Variants in GRIK4 observed in about 807,000 individuals in gnomAD.
The protein encoded by GRIK4 is glutamate ionotropic receptor kainate type subunit 4, also known as glutamate receptor ionotropic, kainate 4.
A neutral mutation model predicts 104.9 loss-of-function variants in GRIK4; 40 were observed. The ratio of observed to expected loss-of-function variants is 0.38; its 90% CI spans 0.30 to 0.50. The LOEUF (loss-of-function observed/expected upper bound fraction) is 0.50. Ranked by LOEUF, GRIK4 falls within the 20% of genes least tolerant of loss-of-function variation. The probability of loss-of-function intolerance (pLI) is 0.93; values close to 1 mark genes in which losing one functional copy is unlikely to be tolerated. For missense variants in GRIK4, 1,047 were observed against 1,308.1 expected, an observed-to-expected ratio of 0.80 and a Z score of 3.08; for synonymous variants, 485 against 524.9, an observed-to-expected ratio of 0.92 and a Z score of 1.04.
chr11:120,864,046 A>C (rs1029748312), intron 9 of GRIK4, among the ~76,000 whole-genome samples: 5 of 152,128 alleles, frequency 3.3e-5, no homozygotes, highest in African/African-American at 1.2e-4. Flanking sequence ...GGGCAGCTGA[A>C]GGAAGGAGTC....
intron 20 of GRIK4, 22 bp from the exon 21 acceptor site, chr11:120,985,882 C>T: frequency 6.5e-7 from 1 of 1,550,246 alleles, no homozygotes; most frequent in Non-Finnish European, 8.7e-7. Context: ...AGGCTGGGCC[C>T]TGACCTCGCT....
At chr11:120,777,103 G>A (rs1478493504) in intron 3 of GRIK4, among the ~76,000 whole-genome samples, 2 of 152,164 alleles carry the variant, frequency 1.3e-5, no homozygotes, top group Non-Finnish European at 2.9e-5. Context: ...AACTTCACCT[G>A]CGAGTCTTCC....
chr11:120,692,314 C>A (rs1470332896), intron 3 of GRIK4, among the ~76,000 whole-genome samples: 2 of 152,354 alleles, frequency 1.3e-5, no homozygotes, highest in East Asian at 3.9e-4. Context: ...GAATTAGCCC[C>A]ACCGGGGCAC....
intron 1 of GRIK4, among the ~76,000 whole-genome samples, chr11:120,623,270 T>C (rs1171781263): frequency 6.6e-6 from 1 of 152,060 alleles, no homozygotes; most frequent in African/African-American, 2.4e-5. Context: ...AGCCTCCAAG[T>C]AGCTGGGGCT....
At chr11:120,593,239 C>T (rs1163534742) in intron 1 of GRIK4, among the ~76,000 whole-genome samples, 1 of 151,466 alleles carries the variant, frequency 6.6e-6, no homozygotes, top group Non-Finnish European at 1.5e-5. Context: ...TCCATTTCTG[C>T]TCCCTTTTGT....
intron 3 of GRIK4, among the ~76,000 whole-genome samples, chr11:120,729,442 T>C (rs1939667): frequency 0.46 from 69,520 of 152,070 alleles, 16,670 homozygotes; most frequent in South Asian, 0.54. Context: ...GACTTTTGGA[T>C]AAAAGTCGTT....
chr11:120,869,843 C>G (rs548014603), intron 9 of GRIK4: 1 of 152,224 alleles, frequency 6.6e-6, no homozygotes, highest in East Asian at 1.9e-4. Flanking sequence ...AGAGTACTCT[C>G]GGCAACAGAA....
At chr11:120,679,704 C>G (rs1393166929) in intron 3 of GRIK4, among the ~76,000 whole-genome samples, 1 of 152,194 alleles carries the variant, frequency 6.6e-6, no homozygotes, top group Admixed American at 6.5e-5. Flanking sequence ...CCCCTGCCCA[C>G]CTCAGACATG....
At chr11:120,515,144 C>T (rs1428566663) in intron 1 of GRIK4, 1 of 427,704 alleles carries the variant, frequency 2.3e-6, no homozygotes, top group African/African-American at 2.0e-5. Context: ...GCCACCCAGC[C>T]CTGGCACTGT....
intron 11 of GRIK4, among the ~76,000 whole-genome samples, chr11:120,878,396 T>C (rs997896204): frequency 6.6e-6 from 1 of 152,164 alleles, no homozygotes; most frequent in Non-Finnish European, 1.5e-5. Flanking sequence ...ACAAATACTG[T>C]CCTAGTAGAA....
chr11:120,807,523 T>TGCACC, intron 4 of GRIK4, among the ~76,000 whole-genome samples: 1 of 152,318 alleles, frequency 6.6e-6, no homozygotes. Flanking sequence ...TCCACATGGC[T>TGCACC]GCACCTCCTG....
intron 3 of GRIK4, among the ~76,000 whole-genome samples, chr11:120,759,177 G>T (rs1371050953): frequency 1.3e-5 from 2 of 152,224 alleles, no homozygotes; most frequent in African/African-American, 4.8e-5. Flanking sequence ...AAGAGCTGGG[G>T]AGTGGAGAGC....
chr11:120,774,818 A>G (rs2135462209), intron 3 of GRIK4, among the ~76,000 whole-genome samples: 1 of 152,290 alleles, frequency 6.6e-6, no homozygotes, highest in Admixed American at 6.5e-5. Flanking sequence ...AAGTCCGTTG[A>G]CAAGGCTGCT....
chr11:120,928,855 A>G (rs1943411775), intron 13 of GRIK4, among the ~76,000 whole-genome samples: 1 of 152,186 alleles, frequency 6.6e-6, no homozygotes, highest in Non-Finnish European at 1.5e-5. Context: ...CAGGAATGCT[A>G]ATGCTCCACT....
At chr11:120,928,795 G>C (rs544441788) in intron 13 of GRIK4, among the ~76,000 whole-genome samples, 9 of 152,174 alleles carry the variant, frequency 5.9e-5, no homozygotes, top group Non-Finnish European at 1.2e-4. Context: ...GTAACCTCGA[G>C]AAATAGCACC....
chr11:120,792,178 A>G (rs1952407978), intron 3 of GRIK4, among the ~76,000 whole-genome samples: 1 of 152,112 alleles, frequency 6.6e-6, no homozygotes, highest in Non-Finnish European at 1.5e-5. Flanking sequence ...TCAGTGAGCA[A>G]AGATGAGAGT....
intron 3 of GRIK4, among the ~76,000 whole-genome samples, chr11:120,665,335 T>C (rs11217947): frequency 0.056 from 8,555 of 152,268 alleles, 687 homozygotes; most frequent in African/African-American, 0.17. Flanking sequence ...TTTCATCTCA[T>C]TTCCAAATTG....
chr11:120,631,295 A>T (rs1949329776), intron 1 of GRIK4, among the ~76,000 whole-genome samples: 1 of 152,168 alleles, frequency 6.6e-6, no homozygotes, highest in Non-Finnish European at 1.5e-5. Flanking sequence ...TTACTTGAGG[A>T]TCTTGTCAGA....
At chr11:120,669,185 G>A (rs1949972319) in intron 3 of GRIK4, among the ~76,000 whole-genome samples, 1 of 152,140 alleles carries the variant, frequency 6.6e-6, no homozygotes, top group Non-Finnish European at 1.5e-5. Flanking sequence ...ATGTGTGGGT[G>A]GCACTCTTTC....
Sources: allele counts gnomAD v4.1 joint callset (sites outside exome capture counted in the v4.1 genomes callset), GRCh38; gene constraint gnomAD v4.1.1; transcripts MANE v1.5; gene names NCBI Gene and HGNC (gene_info 2026-07-23, HGNC 2026-07-21).